Variants in SLC9B2 observed in about 807,000 individuals in gnomAD.
SLC9B2 encodes solute carrier family 9 member B2.
A neutral mutation model predicts 52.2 loss-of-function variants in SLC9B2; 39 were observed. The observed-to-expected ratio is 0.75, with a 90% CI of 0.58 to 0.98. The LOEUF (loss-of-function observed/expected upper bound fraction) is 0.98. Ranked by LOEUF, SLC9B2 falls within the 50% of genes least tolerant of loss-of-function variation. The pLI, the probability that SLC9B2 is intolerant of heterozygous loss-of-function variation, is 0.00. For missense variants in SLC9B2, 626 were observed against 637.5 expected, an observed-to-expected ratio of 0.98 and a Z score of 0.19; for synonymous variants, 214 against 227.0, an observed-to-expected ratio of 0.94 and a Z score of 0.51.
At chr4:103,067,403 T>A in intron 2 of SLC9B2, 58 bp downstream of exon 2, 2 of 1,480,558 alleles carry the variant, frequency 1.4e-6, no homozygotes, top group South Asian at 2.3e-5. Flanking sequence ...GATAGGAGAA[T>A]TGGTAAATGA....
At chr4:103,048,864 T>G in intron 6 of SLC9B2, 29 bp downstream of exon 6, 1 of 1,610,434 alleles carries the variant, frequency 6.2e-7, no homozygotes. Context: ...TCCCTACATA[T>G]TTTCATATGA....
At chr4:103,049,092 C>T in intron 5 of SLC9B2, 72 bp from the exon 6 acceptor site, 1 of 1,558,300 alleles carries the variant, frequency 6.4e-7, no homozygotes, top group Non-Finnish European at 8.7e-7. Flanking sequence ...TGAATGCTTT[C>T]TCTTCAGTAT....
intron 9 of SLC9B2, among the ~76,000 whole-genome samples, chr4:103,039,499 A>G (rs1418568249): frequency 1.3e-5 from 2 of 152,086 alleles, no homozygotes; most frequent in East Asian, 1.9e-4. Flanking sequence ...CAAACTCAGG[A>G]CTTTGGTTTG....
chr4:103,056,729 T>A lies in SLC9B2; in HGVS notation c.442+1072A>T, dbSNP rs1175350673. ...CTGTAAATTCTATATAGCCAATTTA[T>A]TCTCACAGAATGTTTTCACTGCTGT... On this transcript the variant is annotated intron_variant, in intron 4 of 11. Transcript: ENST00000394785. Among the ~76,000 whole-genome samples the A allele has an allele frequency of 3.9e-5, 6 of 152,256 alleles. No individual in the cohort carries two copies. In the South Asian group the frequency reaches 6.2e-4, roughly 16 times the overall value.
At position 103,057,291 on chromosome 4, in the gene SLC9B2, TATATACACAC is replaced by T. The variant is rs1217646943; in HGVS notation, c.442+500_442+509del. Among the ~76,000 whole-genome samples, 138 of 143,110 alleles carry T rather than the reference TATATACACAC, an allele frequency of 9.6e-4. 1 individual carries two copies. The highest frequency in any genetic ancestry group is 3.6e-3 in the African/African-American group (135 of 37,318). The allele number at this position is 143,110 out of a possible 152,430, so 93.9% of individuals were successfully genotyped here. A position where few individuals can be genotyped will look rare whatever the true frequency, so the allele number is the denominator to read the frequency against. ...ATATATATACACACACACACACACA[TATATACACAC>T]ACACACACACAAACACAAACATATT... On this transcript the variant is annotated intron_variant, in intron 4 of 11. Coordinates refer to ENST00000394785, the MANE Select transcript of SLC9B2 (RefSeq NM_178833.7).
rs536551647 is a variant in SLC9B2 at position 103,041,940 on chromosome 4, A to G, written c.1146+1356T>C. ...GGTAATTTTGTGAAAATAAATGACC[A>G]TATCCACTTAGTGCCTCATACAGAG... On this transcript the variant is annotated intron_variant, in intron 9 of 11. Transcript: ENST00000394785. 2.0e-5 allele frequency: 3 copies of G among 152,308 alleles called. No individual in the cohort carries two copies. The South Asian group carries it at 6.2e-4, about 32-fold the overall frequency. 9.4% of individuals were successfully genotyped at this position (152,308 alleles called of 1,614,324 possible). A position where few individuals can be genotyped will look rare whatever the true frequency, so the allele number is the denominator to read the frequency against.
downstream of SLC9B2, chr4:103,019,779 C>A (rs1159597494): frequency 1.7e-5 from 17 of 985,480 alleles, no homozygotes; most frequent in Non-Finnish European, 2.0e-5. Context: ...CTTGGCTGTC[C>A]GCGCCGGCAG....
chr4:103,042,056 G>C (rs893574005), intron 9 of SLC9B2: 1 of 151,948 alleles, frequency 6.6e-6, no homozygotes, highest in Non-Finnish European at 1.5e-5. Flanking sequence ...AATTTGCAAA[G>C]ATTTTTAAAG....
intron 10 of SLC9B2, among the ~76,000 whole-genome samples, chr4:103,031,229 G>T (rs1742671816): frequency 6.6e-6 from 1 of 152,274 alleles, no homozygotes; most frequent in South Asian, 2.1e-4. Context: ...TAAGTGCAGT[G>T]TTTTGAATCA....
chr4:103,072,023 G>A (rs1390741361), intron 1 of SLC9B2, among the ~76,000 whole-genome samples: 3 of 136,214 alleles, frequency 2.2e-5, no homozygotes, highest in Non-Finnish European at 4.6e-5. Flanking sequence ...ACCAATAGCA[G>A]TGGTTTTCAA....
chr4:103,043,804 T>G (rs1194517356), intron 8 of SLC9B2, among the ~76,000 whole-genome samples: 1 of 152,218 alleles, frequency 6.6e-6, no homozygotes, highest in Non-Finnish European at 1.5e-5. Context: ...GCCACATTAC[T>G]TAACCACTCC....
At chr4:103,049,349 T>G (rs1744456244) in intron 5 of SLC9B2, among the ~76,000 whole-genome samples, 1 of 152,240 alleles carries the variant, frequency 6.6e-6, no homozygotes, top group African/African-American at 2.4e-5. Flanking sequence ...CAGGCTGCTT[T>G]CAGCATCTGT....
intron 10 of SLC9B2, among the ~76,000 whole-genome samples, chr4:103,029,131 G>C (rs1219995643): frequency 6.6e-6 from 1 of 152,132 alleles, no homozygotes; most frequent in African/African-American, 2.4e-5. Context: ...CTTATGTAGA[G>C]ATTTGAATGT....
intron 9 of SLC9B2, among the ~76,000 whole-genome samples, chr4:103,039,649 CTTT>C (rs11464004): frequency 1.0e-4 from 13 of 129,164 alleles, no homozygotes; most frequent in Non-Finnish European, 1.1e-4. Context: ...ATGGTATATT[CTTT>C]TTTTTTTTTT....
At chr4:103,057,648 GA>G (rs1389322935) in intron 4 of SLC9B2, among the ~76,000 whole-genome samples, 152 bp downstream of exon 4, 1 of 152,074 alleles carries the variant, frequency 6.6e-6, no homozygotes, top group Non-Finnish European at 1.5e-5. Flanking sequence ...TTAACAACTA[GA>G]TTACAGAACT....
intron 4 of SLC9B2, among the ~76,000 whole-genome samples, chr4:103,057,441 C>T (rs2110638127): frequency 6.6e-6 from 1 of 151,906 alleles, no homozygotes; most frequent in East Asian, 1.9e-4. Flanking sequence ...GTAGCTGGGA[C>T]TACAGGTGCA....
chr4:103,047,558 C>A (rs1298054144), intron 6 of SLC9B2, among the ~76,000 whole-genome samples: 1 of 124,836 alleles, frequency 8.0e-6, no homozygotes, highest in Non-Finnish European at 1.6e-5. Flanking sequence ...CCCCACCCCA[C>A]AACAGGCCCT....
rs551682033 is a variant in SLC9B2, at chr4:103,039,212, C to T, written c.1146+4084G>A. ...CAATCTCCATATTTTAAATCTTATG[C>T]TCTTAGTATGATATCATGCTGTTCT... On this transcript the variant is annotated intron_variant, in intron 9 of 11. Transcript: ENST00000394785. 6.6e-5 allele frequency among the ~76,000 whole-genome samples: 10 copies of T among 152,212 alleles called. No homozygotes were observed. In the South Asian group the frequency reaches 2.1e-3, roughly 32 times the overall value.
At chr4:103,040,873 ACGTG>A (rs1174794931) in intron 9 of SLC9B2, among the ~76,000 whole-genome samples, 1 of 152,226 alleles carries the variant, frequency 6.6e-6, no homozygotes, top group Non-Finnish European at 1.5e-5. Flanking sequence ...GAAATTAATT[ACGTG>A]CAAATTCTCA....
Sources: allele counts gnomAD v4.1 joint callset (sites outside exome capture counted in the v4.1 genomes callset), GRCh38; gene constraint gnomAD v4.1.1; transcripts MANE v1.5; gene names NCBI Gene and HGNC (gene_info 2026-07-23, HGNC 2026-07-21).